Variants in FBXO34 observed in about 807,000 individuals in gnomAD.
FBXO34 encodes the protein F-box protein 34, also known as F-box only protein 34.
Under a neutral mutation model 24.5 loss-of-function variants are expected in FBXO34, and 12 were observed. The ratio of observed to expected loss-of-function variants is 0.49; its 90% CI spans 0.31 to 0.79. The LOEUF (loss-of-function observed/expected upper bound fraction) is 0.79, where lower values mean the gene tolerates loss of function less well. Ranked by LOEUF, FBXO34 falls within the 30% of genes least tolerant of loss-of-function variation. FBXO34 has a pLI of 0.04. For missense variants in FBXO34, 823 were observed against 857.7 expected (o/e 0.96, Z 0.51); for synonymous variants, 320 against 311.9 (o/e 1.03, Z -0.27).
At chr14:55,310,043 A>G (rs1353266382) in intron 1 of FBXO34, among the ~76,000 whole-genome samples, 1 of 152,202 alleles carries the variant, frequency 6.6e-6, no homozygotes, top group East Asian at 1.9e-4. Context: ...TAGTTTGGAA[A>G]ACTCAGGATG....
In FBXO34 at chr14:55,350,565, C is replaced by G. The variant is rs768061007; in HGVS notation, c.175C>G (p.Arg59Gly). ...PSASLGKASS[R>G]KPFGILSPNV... ...AGCCTCTCTCGGTAAAGCATCATCT[C>G]GAAAGCCATTTGGGATCCTTTCTCC... The change falls in exon 2 of 2, where the codon CGA becomes GGA. Residue 59 changes from arginine to glycine, a missense_variant. This residue lies in a region of FBXO34 where 693 missense variants were observed against 659.1 expected (regional missense o/e 1.05). Transcript: ENST00000313833. 17 of 1,612,978 alleles carry G rather than the reference C, an allele frequency of 1.1e-5. No homozygotes were observed. Among genetic ancestry groups the G allele is most frequent in the Non-Finnish European group, 1.4e-5 (17 of 1,179,722 alleles).
At chr14:55,381,902 T>G in the FBXO34 span, 2 of 1,442,424 alleles carry the variant, frequency 1.4e-6, no homozygotes, top group Non-Finnish European at 1.9e-6. Flanking sequence ...CATTTTGTTA[T>G]GTCAATTTTA....
chr14:55,301,436 CA>C lies in FBXO34; in HGVS notation c.-11+29911del, dbSNP rs536199747. Among the ~76,000 whole-genome samples, 51 of 135,888 alleles carry C rather than the reference CA, an allele frequency of 3.8e-4. 1 individual carries two copies. Among genetic ancestry groups the C allele is most frequent in the Admixed American group, 5.2e-4 (7 of 13,362 alleles). The allele number at this position is 135,888 out of a possible 152,430, so 89.1% of individuals were successfully genotyped here. A position where few individuals can be genotyped will look rare whatever the true frequency, so the allele number is the denominator to read the frequency against. Reference sequence around the variant, plus strand: ...TGGGTGACAAAGTGAGACTCTGTCTCAAAAAAAAAAAACAAGAAAAACTTCT... The same window carrying C: ...TGGGTGACAAAGTGAGACTCTGTCTCAAAAAAAAAAACAAGAAAAACTTCT... On this transcript the variant is annotated intron_variant, in intron 1 of 1. Transcript: ENST00000313833.
intron 1 of FBXO34, among the ~76,000 whole-genome samples, chr14:55,301,231 G>GT (rs958650267): frequency 6.6e-6 from 1 of 152,138 alleles, no homozygotes; most frequent in Non-Finnish European, 1.5e-5. Context: ...GTCTCCAGGA[G>GT]TTTGAGACCA....
chr14:55,419,353 A>G, the FBXO34 span, among the ~76,000 whole-genome samples: 11 of 152,372 alleles, frequency 7.2e-5, no homozygotes, highest in South Asian at 2.1e-4. Flanking sequence ...TGTCTGTCAT[A>G]TGAGTGCCCA....
chr14:55,423,921 G>C, the FBXO34 span, among the ~76,000 whole-genome samples: 1 of 152,082 alleles, frequency 6.6e-6, no homozygotes. Flanking sequence ...GGATAATTCT[G>C]TAAAAAAATC....
In FBXO34 at chr14:55,345,553, C is replaced by T. The variant is rs758770607; in HGVS notation, c.-10-4828C>T. Among the ~76,000 whole-genome samples, 11 of 152,086 alleles carry T rather than the reference C, an allele frequency of 7.2e-5. No individual in the cohort carries two copies. In the East Asian group the frequency reaches 7.7e-4, roughly 11 times the overall value. The stretch of plus-strand genomic sequence containing the variant: ...ATCCATACCTCTTCCTTCTTCTCCC[C>T]GTCTCCCCATGGGCTCTCACAGCAC... On this transcript the variant is annotated intron_variant, in intron 1 of 1. Coordinates refer to ENST00000313833, the MANE Select transcript of FBXO34 (RefSeq NM_017943.4).
At chr14:55,426,246 CAA>C in the FBXO34 span, among the ~76,000 whole-genome samples, 6 of 138,258 alleles carry the variant, frequency 4.3e-5, no homozygotes, top group African/African-American at 1.6e-4. Context: ...CCAGCCTGGG[CAA>C]AAGAGCAAAA....
chr14:55,323,225 A>ATATATATATATTT (rs1555337925), intron 1 of FBXO34, among the ~76,000 whole-genome samples: 1 of 19,204 alleles, frequency 5.2e-5, no homozygotes, highest in East Asian at 1.4e-3. Flanking sequence ...AAAAATATAT[A>ATATATATATATTT]TTTTTTTTTT....
chr14:55,373,523 G>C (rs1252457625), downstream of FBXO34, among the ~76,000 whole-genome samples: 1 of 152,058 alleles, frequency 6.6e-6, no homozygotes, highest in African/African-American at 2.4e-5. Flanking sequence ...GTAGCAGCAC[G>C]ATCTCAGCTC....
intron 1 of FBXO34, among the ~76,000 whole-genome samples, chr14:55,323,226 T>TATAAA: frequency 4.9e-5 from 1 of 20,532 alleles, no homozygotes; most frequent in Non-Finnish European, 6.5e-5. Context: ...AAAATATATA[T>TATAAA]TTTTTTTTTT....
chr14:55,426,871 A>G, the FBXO34 span, among the ~76,000 whole-genome samples: 16 of 152,364 alleles, frequency 1.1e-4, no homozygotes, highest in African/African-American at 3.6e-4. Context: ...AGGGGCACCT[A>G]TTCTAGACTT....
chr14:55,371,790 C>A (rs574432237), downstream of FBXO34, among the ~76,000 whole-genome samples: 1 of 151,896 alleles, frequency 6.6e-6, no homozygotes, highest in South Asian at 2.1e-4. Flanking sequence ...GGCGACAGAG[C>A]GAGACTCTGT....
At chr14:55,410,569 G>A in the FBXO34 span, among the ~76,000 whole-genome samples, 3 of 152,154 alleles carry the variant, frequency 2.0e-5, no homozygotes, top group African/African-American at 7.2e-5. Flanking sequence ...CTCCATCCAC[G>A]ATCACAGAAA....
chr14:55,329,061 A>G (rs1883446181), intron 1 of FBXO34, among the ~76,000 whole-genome samples: 1 of 151,622 alleles, frequency 6.6e-6, no homozygotes, highest in Admixed American at 6.6e-5. Flanking sequence ...ATTGTACTTA[A>G]TGAGAAGTTC....
Position 55,348,457 on chromosome 14 carries a change from A to G in FBXO34, c.-10-1924A>G, listed in dbSNP as rs1416449386. Among the ~76,000 whole-genome samples the G allele has an allele frequency of 2.0e-5, 3 of 152,288 alleles. No homozygotes were observed. The East Asian group carries it at 5.8e-4, about 29-fold the overall frequency. ...GCGTTGCCCAGGCTTTCCTAGTTGAAGCATACATCTTGGACAGCTCAGTGT... is the reference window on the plus strand; with the variant it reads ...GCGTTGCCCAGGCTTTCCTAGTTGAGGCATACATCTTGGACAGCTCAGTGT... On this transcript the variant is annotated intron_variant, in intron 1 of 1. Coordinates refer to ENST00000313833, the MANE Select transcript of FBXO34 (RefSeq NM_017943.4).
At chr14:55,337,015 G>A (rs867478317) in intron 1 of FBXO34, among the ~76,000 whole-genome samples, 2 of 142,524 alleles carry the variant, frequency 1.4e-5, no homozygotes, top group East Asian at 2.1e-4. Context: ...TCACTCTGTC[G>A]CCCAGGCTAG....
chr14:55,281,487 A>T (rs1364668493), intron 1 of FBXO34, among the ~76,000 whole-genome samples: 2 of 152,160 alleles, frequency 1.3e-5, no homozygotes, highest in Non-Finnish European at 1.5e-5. Flanking sequence ...TTCCAGCGGG[A>T]TGATGTTACT....
At chr14:55,305,988 A>G (rs1882530540) in intron 1 of FBXO34, among the ~76,000 whole-genome samples, 1 of 152,260 alleles carries the variant, frequency 6.6e-6, no homozygotes, top group Non-Finnish European at 1.5e-5. Context: ...GTGGTCTAGT[A>G]GTAAAATAGT....
Sources: gnomAD v4.1 joint callset for allele counts (sites outside exome capture counted in the v4.1 genomes callset) on GRCh38, gnomAD v4.1.1 for gene constraint, gnomAD v4.1.1 regional missense constraint, MANE v1.5 for transcripts, NCBI Gene and HGNC (gene_info 2026-07-23, HGNC 2026-07-21) for gene names.